Variants in NXPH1 observed in about 807,000 individuals in gnomAD.
The protein encoded by NXPH1 is neurexophilin 1.
A neutral mutation model predicts 23.7 loss-of-function variants in NXPH1; 5 were observed. That is an observed-to-expected ratio of 0.21 (90% CI 0.11 to 0.44). The LOEUF (loss-of-function observed/expected upper bound fraction) is 0.44. Ranked by LOEUF, NXPH1 falls within the 20% of genes least tolerant of loss-of-function variation. NXPH1 has a pLI of 0.99. For synonymous variants in NXPH1, 144 were observed against 122.2 expected, an observed-to-expected ratio of 1.18 and a Z score of -1.18; for missense variants, 324 against 321.6, an observed-to-expected ratio of 1.01 and a Z score of -0.06.
At chr7:8,614,661 C>G (rs999728192) in intron 2 of NXPH1, among the ~76,000 whole-genome samples, 2 of 151,852 alleles carry the variant, frequency 1.3e-5, no homozygotes, top group South Asian at 2.1e-4. Context: ...GAAAGTTCCT[C>G]TTTGGGAAAA....
Position 8,708,484 on chromosome 7 carries a change from C to T in NXPH1, c.55-42524C>T, listed in dbSNP as rs374481266. ...CAAGTGATTCTCTTGCCTTAGCCTC[C>T]CGTGTAGCTGGGATTACAGGCACCT... On this transcript the variant is annotated intron_variant, in intron 2 of 2. Transcript: ENST00000405863. 2.0e-5 allele frequency among the ~76,000 whole-genome samples: 3 copies of T among 152,164 alleles called. No homozygotes were observed. The East Asian group carries it at 5.8e-4, about 29-fold the overall frequency.
intron 2 of NXPH1, among the ~76,000 whole-genome samples, chr7:8,515,291 T>C (rs1281872266): frequency 6.6e-6 from 1 of 152,076 alleles, no homozygotes; most frequent in African/African-American, 2.4e-5. Flanking sequence ...TGTCCACCAG[T>C]CTGTGTGATT....
At chr7:8,665,656 G>A (rs1413246196) in intron 2 of NXPH1, among the ~76,000 whole-genome samples, 1 of 151,900 alleles carries the variant, frequency 6.6e-6, no homozygotes, top group Non-Finnish European at 1.5e-5. Flanking sequence ...ATGAACATGG[G>A]ATAGCTTGCT....
intron 2 of NXPH1, among the ~76,000 whole-genome samples, chr7:8,656,798 G>T (rs998609621): frequency 4.6e-5 from 7 of 151,796 alleles, no homozygotes; most frequent in African/African-American, 1.7e-4. Flanking sequence ...GCGGTGTTTG[G>T]TTTTTTGTTC....
Position 8,613,955 on chromosome 7 carries a change from C to T in NXPH1, c.55-137053C>T, listed in dbSNP as rs148624092. Reference sequence around the variant, plus strand: ...TCATAAATCATAATCTTAGTTTCAACGACTAATATTGTTTTAATAACTGTT... The same window carrying T: ...TCATAAATCATAATCTTAGTTTCAATGACTAATATTGTTTTAATAACTGTT... On this transcript the variant is annotated intron_variant, in intron 2 of 2. Transcript: ENST00000405863. Among the ~76,000 whole-genome samples the T allele has an allele frequency of 3.8e-3, 574 of 151,590 alleles. 3 individuals are homozygous for T. The highest frequency in any genetic ancestry group is 9.9e-3 in the African/African-American group (409 of 41,420).
chr7:8,491,540 C>A (rs867513030), intron 2 of NXPH1, among the ~76,000 whole-genome samples: 1 of 152,004 alleles, frequency 6.6e-6, no homozygotes, highest in Non-Finnish European at 1.5e-5. Flanking sequence ...GATTGTAAAT[C>A]TCAAAGACAC....
intron 2 of NXPH1, among the ~76,000 whole-genome samples, chr7:8,560,161 G>A (rs774469675): frequency 1.3e-5 from 2 of 151,582 alleles, no homozygotes; most frequent in Admixed American, 6.6e-5. Context: ...ATATTCGTAG[G>A]ATAGTCAGGT....
intron 2 of NXPH1, among the ~76,000 whole-genome samples, chr7:8,709,173 T>G (rs140389874): frequency 6.0e-4 from 92 of 152,348 alleles, no homozygotes; most frequent in African/African-American, 2.1e-3. Context: ...CACTGTTGAT[T>G]GTTGGTTGAT....
At chr7:8,624,244 G>GGAATGT (rs1819941534) in intron 2 of NXPH1, among the ~76,000 whole-genome samples, 1 of 152,124 alleles carries the variant, frequency 6.6e-6, no homozygotes, top group African/African-American at 2.4e-5. Context: ...AATAAGGGCA[G>GGAATGT]GAATGTCTTT....
At chr7:8,648,418 T>TC (rs1820430549) in intron 2 of NXPH1, among the ~76,000 whole-genome samples, 6 of 151,624 alleles carry the variant, frequency 4.0e-5, no homozygotes, top group Non-Finnish European at 1.5e-5. Context: ...ATGTGATGTT[T>TC]GTTTTTCTGT....
In NXPH1 at chr7:8,710,776, C is replaced by T. The variant is rs547238041; in HGVS notation, c.55-40232C>T. Among the ~76,000 whole-genome samples, 240 of 136,934 alleles carry T rather than the reference C, an allele frequency of 1.8e-3. 8 individuals carry two copies. The highest frequency in any genetic ancestry group is 5.6e-3 in the Admixed American group (78 of 13,986). 89.8% of individuals were successfully genotyped at this position (136,934 alleles called of 152,430 possible). On this transcript the variant is annotated intron_variant, in intron 2 of 2. Transcript: ENST00000405863. ...TTCCCGGGTTCACGCCATTCTCCTG[C>T]CTCAGCCTCCCCAGTAGCTGGGACT...
rs188666431 is a variant in NXPH1 at position 8,528,630 on chromosome 7, G to A, written c.54+92863G>A. Among the ~76,000 whole-genome samples, 86 of 152,266 alleles carry A rather than the reference G, an allele frequency of 5.6e-4. 1 individual carries two copies. The highest frequency in any genetic ancestry group is 1.1e-3 in the Admixed American group (17 of 15,290). The stretch of plus-strand genomic sequence containing the variant: ...CTCTTCTCCCTCATTCTTCTTTGAA[G>A]GAACAGCTTTAGTTTGCTACTGACA... On this transcript the variant is annotated intron_variant, in intron 2 of 2. Coordinates refer to ENST00000405863, the MANE Select transcript of NXPH1 (RefSeq NM_152745.3).
chr7:8,681,443 T>C (rs1391756053), intron 2 of NXPH1, among the ~76,000 whole-genome samples: 6 of 152,206 alleles, frequency 3.9e-5, no homozygotes, highest in Non-Finnish European at 8.8e-5. Flanking sequence ...ATATATGACA[T>C]AAATTGTAAT....
At chr7:8,701,874 T>C (rs1779628461) in intron 2 of NXPH1, among the ~76,000 whole-genome samples, 1 of 152,108 alleles carries the variant, frequency 6.6e-6, no homozygotes, top group South Asian at 2.1e-4. Flanking sequence ...GGAATGAACC[T>C]CTGAATCTTT....
chr7:8,483,044 A>G (rs1290543807), intron 2 of NXPH1, among the ~76,000 whole-genome samples: 1 of 152,250 alleles, frequency 6.6e-6, no homozygotes, highest in African/African-American at 2.4e-5. Flanking sequence ...TGTGACATGC[A>G]TAGAAGCTGT....
chr7:8,548,263 C>G (rs1417738305), intron 2 of NXPH1, among the ~76,000 whole-genome samples: 1 of 151,546 alleles, frequency 6.6e-6, no homozygotes, highest in Non-Finnish European at 1.5e-5. Context: ...CCTCAATGAG[C>G]ACTACTCCTA....
intron 2 of NXPH1, among the ~76,000 whole-genome samples, chr7:8,709,737 T>C (rs1310558209): frequency 2.0e-5 from 3 of 152,378 alleles, no homozygotes; most frequent in South Asian, 4.1e-4. Context: ...TAAGTCTTTA[T>C]AGATAAATTA....
At chr7:8,443,912 C>T (rs1455230531) in intron 2 of NXPH1, among the ~76,000 whole-genome samples, 2 of 152,284 alleles carry the variant, frequency 1.3e-5, no homozygotes, top group South Asian at 2.1e-4. Context: ...ACAACGTTGC[C>T]CTACCTCCCT....
chr7:8,728,374 T>C (rs1034272807), intron 2 of NXPH1, among the ~76,000 whole-genome samples: 2 of 152,150 alleles, frequency 1.3e-5, no homozygotes, highest in Non-Finnish European at 2.9e-5. Flanking sequence ...TCCAACACTA[T>C]GTTGAATGGG....
Sources: gnomAD v4.1 joint callset for allele counts (sites outside exome capture counted in the v4.1 genomes callset) on GRCh38, gnomAD v4.1.1 for gene constraint, MANE v1.5 for transcripts, NCBI Gene and HGNC (gene_info 2026-07-23, HGNC 2026-07-21) for gene names.